PLS3: variants seen among roughly 807,000 people sequenced by gnomAD.
PLS3 encodes the protein plastin-3.
In PLS3, 11 loss-of-function variants were observed where a neutral mutation model predicts 46.5. That is an observed-to-expected ratio of 0.24 (90% CI 0.15 to 0.39). The LOEUF (loss-of-function observed/expected upper bound fraction) is 0.39, where lower values mean the gene tolerates loss of function less well. Ranked by LOEUF, PLS3 falls within the 10% of genes least tolerant of loss-of-function variation. PLS3 has a pLI of 1.00. For missense variants in PLS3, 308 were observed against 461.8 expected, an observed-to-expected ratio of 0.67 and a Z score of 3.05; for synonymous variants, 167 against 162.2, an observed-to-expected ratio of 1.03 and a Z score of -0.22.
At chrX:115,639,768 CTG>C (rs1225786059) in intron 8 of PLS3, 1 of 359,776 alleles carries the variant, frequency 2.8e-6, no homozygotes, top group African/African-American at 2.6e-5. Context: ...TTCATGTTGA[CTG>C]TGAGCCAACC....
chrX:115,625,732 A>T (rs1352382614), intron 3 of PLS3, among the ~76,000 whole-genome samples: 1 of 111,654 alleles, frequency 9.0e-6, no homozygotes, highest in Non-Finnish European at 1.9e-5. Context: ...AAGCCAGTCA[A>T]TTCTTTTTTT....
intron 2 of PLS3, chrX:115,614,397 C>T (rs2074577412): frequency 9.3e-6 from 7 of 753,202 alleles, no homozygotes; most frequent in Non-Finnish European, 1.1e-5. Context: ...TAAACTTGTC[C>T]AGCCTTCTGC....
At chrX:115,594,888 G>T (rs1556633619) in intron 1 of PLS3, among the ~76,000 whole-genome samples, 1 of 111,474 alleles carries the variant, frequency 9.0e-6, no homozygotes, top group African/African-American at 3.3e-5. Context: ...GAAGACATTA[G>T]ACCTTTTAAA....
At chrX:115,573,455 C>T (rs2074229382) in intron 1 of PLS3, among the ~76,000 whole-genome samples, 1 of 112,185 alleles carries the variant, frequency 8.9e-6, no homozygotes, top group Non-Finnish European at 1.9e-5. Flanking sequence ...AAAATTCTTT[C>T]CAGCTTTACT....
intron 1 of PLS3, among the ~76,000 whole-genome samples, chrX:115,596,943 G>A (rs1556633952): frequency 1.8e-5 from 2 of 109,411 alleles, no homozygotes; most frequent in South Asian, 4.1e-4. Flanking sequence ...TCAGGAGTTC[G>A]AGACCAGCCT....
At chrX:115,639,578 T>C in intron 8 of PLS3, 1 of 270,640 alleles carries the variant, frequency 3.7e-6, no homozygotes, top group Non-Finnish European at 7.0e-6. Flanking sequence ...ATTAATATCG[T>C]AGCTGGAAGG....
intron 1 of PLS3, among the ~76,000 whole-genome samples, chrX:115,609,618 C>T (rs965958482): frequency 3.6e-5 from 4 of 112,062 alleles, no homozygotes; most frequent in Non-Finnish European, 7.5e-5. Flanking sequence ...AGTTTGCCAA[C>T]CTTTGTTCTG....
intron 9 of PLS3, among the ~76,000 whole-genome samples, chrX:115,641,229 T>C (rs886968948): frequency 8.2e-5 from 8 of 97,536 alleles, no homozygotes; most frequent in South Asian, 5.4e-4. Flanking sequence ...CTCTTTCTTT[T>C]TTTTTTTTTT....
chrX:115,577,686 C>T (rs2074256715), intron 1 of PLS3, among the ~76,000 whole-genome samples: 1 of 110,855 alleles, frequency 9.0e-6, no homozygotes, highest in Non-Finnish European at 1.9e-5. Context: ...CCATGTTGGC[C>T]AGGCTGATCT....
At chrX:115,603,616 T>TA (rs1360248919) in intron 1 of PLS3, among the ~76,000 whole-genome samples, 6 of 111,122 alleles carry the variant, frequency 5.4e-5, no homozygotes, top group Non-Finnish European at 9.4e-5. Context: ...TCTCATCATG[T>TA]AAATAAAGTC....
chrX:115,589,710 T>C lies in PLS3; in HGVS notation c.-8-20533T>C, dbSNP rs369214756. Among the ~76,000 whole-genome samples the C allele has an allele frequency of 2.7e-5, 3 of 112,258 alleles. No individual in the cohort carries two copies. In the East Asian group the frequency reaches 8.4e-4, roughly 32 times the overall value. On this transcript the variant is annotated intron_variant, in intron 1 of 15. Coordinates refer to ENST00000355899, the MANE Select transcript of PLS3 (RefSeq NM_005032.7). ...GAGCATGACGTCTGGATGAAAGTTG[T>C]AAGAGACTTTAAAAATACTATGCCT...
At chrX:115,628,182 A>G (rs782400104) in intron 3 of PLS3, among the ~76,000 whole-genome samples, 1 of 111,950 alleles carries the variant, frequency 8.9e-6, no homozygotes, top group Admixed American at 9.5e-5. Flanking sequence ...GACACATACA[A>G]CCTGAACTGT....
At chrX:115,578,874 A>C (rs782575900) in intron 1 of PLS3, among the ~76,000 whole-genome samples, 5 of 110,843 alleles carry the variant, frequency 4.5e-5, no homozygotes, top group Admixed American at 2.9e-4. Context: ...ATTCACACCT[A>C]CTTGTAAGAA....
At chrX:115,638,622 T>C (rs1474760317) in intron 8 of PLS3, among the ~76,000 whole-genome samples, 1 of 112,504 alleles carries the variant, frequency 8.9e-6, no homozygotes, top group Non-Finnish European at 1.9e-5. Flanking sequence ...TTTTATGTAG[T>C]GGGATATATT....
chrX:115,593,165 A>G (rs1297999641), intron 1 of PLS3, among the ~76,000 whole-genome samples: 1 of 111,242 alleles, frequency 9.0e-6, no homozygotes, highest in East Asian at 2.8e-4. Context: ...CTTCGCAAGT[A>G]ATGTTCTTGA....
At chrX:115,638,175 A>G (rs782198527) in intron 8 of PLS3, among the ~76,000 whole-genome samples, 4 of 110,686 alleles carry the variant, frequency 3.6e-5, no homozygotes, top group African/African-American at 1.3e-4. Flanking sequence ...CAGTGGCACT[A>G]TCTCGGCTCA....
At chrX:115,622,486 CTGTTA>C (rs1300854836) in intron 3 of PLS3, 77 bp downstream of exon 3, 8 of 618,618 alleles carry the variant, frequency 1.3e-5, no homozygotes, top group African/African-American at 2.3e-5. Context: ...GTATTAAGTA[CTGTTA>C]TGTTAAGTTC....
intron 1 of PLS3, among the ~76,000 whole-genome samples, chrX:115,570,649 C>T (rs1556630611): frequency 9.4e-6 from 1 of 106,176 alleles, no homozygotes; most frequent in Non-Finnish European, 1.9e-5. Flanking sequence ...GGATTACAGG[C>T]GTGTACTACC....
intron 9 of PLS3, among the ~76,000 whole-genome samples, chrX:115,641,525 C>G (rs782043964): frequency 4.5e-5 from 5 of 110,972 alleles, no homozygotes; most frequent in Non-Finnish European, 9.4e-5. Flanking sequence ...CCGTGCCTTA[C>G]GTGGCTAAAC....
Sources: gnomAD v4.1 joint callset for allele counts (sites outside exome capture counted in the v4.1 genomes callset) on GRCh38, gnomAD v4.1.1 for gene constraint, MANE v1.5 for transcripts, NCBI Gene and HGNC (gene_info 2026-07-23, HGNC 2026-07-21) for gene names.